The following EYA1 variants were observed in gnomAD, a reference collection of about 807,000 sequenced individuals.
EYA1 encodes the protein EYA transcriptional coactivator and phosphatase 1.
In EYA1, 16 loss-of-function variants were observed where a neutral mutation model predicts 82.0. That is an observed-to-expected ratio of 0.20 (90% CI 0.13 to 0.30). The LOEUF (loss-of-function observed/expected upper bound fraction) is 0.30, where lower values mean the gene tolerates loss of function less well. Among genes scored for constraint, EYA1 ranks in the 10% least tolerant of loss-of-function variants. The pLI is 1.00. For synonymous variants in EYA1, 261 were observed against 264.4 expected, an observed-to-expected ratio of 0.99 and a Z score of 0.12; for missense variants, 633 against 730.7, an observed-to-expected ratio of 0.87 and a Z score of 1.54.
Position 71,470,560 on chromosome 8 carries a change from G to A in EYA1, c.33+65184C>T, listed in dbSNP as rs979737221. On this transcript the variant is annotated intron_variant, in intron 2 of 18. Transcript: ENST00000643681. Reference sequence around the variant, plus strand: ...TGCTTTTGCACCAACCTAATAGAAGGTGAGGTGCTTGAAGTATCTAGTCTG... The same window carrying A: ...TGCTTTTGCACCAACCTAATAGAAGATGAGGTGCTTGAAGTATCTAGTCTG... Among the ~76,000 whole-genome samples the A allele has an allele frequency of 2.0e-5, 3 of 152,232 alleles. 1 individual carries two copies. Among genetic ancestry groups the A allele is most frequent in the Non-Finnish European group, 4.4e-5 (3 of 67,968 alleles).
intron 7 of EYA1, among the ~76,000 whole-genome samples, chr8:71,309,992 G>A (rs1020860636): frequency 2.0e-5 from 3 of 152,088 alleles, no homozygotes; most frequent in Admixed American, 2.0e-4. Context: ...GGGTTTCCAG[G>A]GCCCTCTGAG....
chr8:71,436,245 C>A (rs1319224179), intron 2 of EYA1, among the ~76,000 whole-genome samples: 1 of 152,024 alleles, frequency 6.6e-6, no homozygotes, highest in Non-Finnish European at 1.5e-5. Flanking sequence ...CCATTGACTA[C>A]ACAATGCAAG....
chr8:71,315,048 A>G (rs909136553), intron 7 of EYA1, among the ~76,000 whole-genome samples: 1 of 152,016 alleles, frequency 6.6e-6, no homozygotes, highest in Non-Finnish European at 1.5e-5. Context: ...TTCCTGCTGC[A>G]TAAGTTTTGA....
At chr8:71,212,879 C>A (rs1012068735) in intron 16 of EYA1, among the ~76,000 whole-genome samples, 28 of 152,252 alleles carry the variant, frequency 1.8e-4, no homozygotes, top group African/African-American at 6.3e-4. Context: ...GAGTCTGAGA[C>A]CAGCCTGGCT....
intron 2 of EYA1, among the ~76,000 whole-genome samples, chr8:71,367,496 AT>A (rs956286690): frequency 6.6e-6 from 1 of 151,264 alleles, no homozygotes; most frequent in African/African-American, 2.4e-5. Flanking sequence ...AACCTATAGA[AT>A]TTTTTTCTTC....
intron 9 of EYA1, among the ~76,000 whole-genome samples, chr8:71,274,907 C>G (rs80016922): frequency 0.021 from 2,305 of 110,296 alleles, 33 homozygotes; most frequent in Non-Finnish European, 0.032. Context: ...AGAGAGTGAG[C>G]GAGCGAGAGA....
At chr8:71,485,786 A>G (rs1810520512) in intron 2 of EYA1, among the ~76,000 whole-genome samples, 1 of 152,218 alleles carries the variant, frequency 6.6e-6, no homozygotes, top group South Asian at 2.1e-4. Context: ...ATGTTTCCAA[A>G]AGATTTGACA....
chr8:71,245,704 ACT>A (rs770762960), intron 11 of EYA1, among the ~76,000 whole-genome samples: 4 of 152,004 alleles, frequency 2.6e-5, no homozygotes, highest in Non-Finnish European at 5.9e-5. Context: ...AATCTAGATA[ACT>A]CTCTATCATT....
intron 2 of EYA1, among the ~76,000 whole-genome samples, chr8:71,367,698 A>G (rs1156261442): frequency 2.6e-5 from 4 of 152,222 alleles, no homozygotes; most frequent in Non-Finnish European, 5.9e-5. Flanking sequence ...AGAAGTTTTT[A>G]TTAAGCAATG....
rs531325941 is a variant in EYA1, at chr8:71,466,940, T to C, written c.33+68804A>G. On this transcript the variant is annotated intron_variant, in intron 2 of 18. Transcript: ENST00000643681. The stretch of plus-strand genomic sequence containing the variant: ...AAGTGACTTTTTGTTTAAACTTTTA[T>C]GTTTCCTCACAATGAGATTACTATA... 2.0e-5 allele frequency among the ~76,000 whole-genome samples: 3 copies of C among 152,270 alleles called. No homozygotes were observed. The South Asian group carries it at 6.2e-4, about 31-fold the overall frequency.
At chr8:71,299,951 CTAA>C (rs1563424350) in intron 7 of EYA1, among the ~76,000 whole-genome samples, 1 of 152,096 alleles carries the variant, frequency 6.6e-6, no homozygotes, top group South Asian at 2.1e-4. Flanking sequence ...CTTATATAGA[CTAA>C]TGACAAAATA....
intron 11 of EYA1, among the ~76,000 whole-genome samples, chr8:71,252,686 C>T (rs1813893573): frequency 6.6e-6 from 1 of 152,080 alleles, no homozygotes; most frequent in Non-Finnish European, 1.5e-5. Flanking sequence ...AAAAGGTGTC[C>T]TATACTCTGA....
intron 7 of EYA1, among the ~76,000 whole-genome samples, chr8:71,316,127 T>C (rs1468442331): frequency 1.3e-5 from 2 of 152,080 alleles, no homozygotes; most frequent in Admixed American, 6.5e-5. Flanking sequence ...TAAATGTGTG[T>C]AAAAACAAAA....
At chr8:71,344,017 T>A (rs1251599233) in intron 3 of EYA1, among the ~76,000 whole-genome samples, 1 of 152,146 alleles carries the variant, frequency 6.6e-6, no homozygotes, top group African/African-American at 2.4e-5. Context: ...TGTCTATCCT[T>A]CAAAAAACCA....
At chr8:71,414,358 A>C (rs1033545587) in intron 2 of EYA1, among the ~76,000 whole-genome samples, 1 of 152,168 alleles carries the variant, frequency 6.6e-6, no homozygotes, top group Non-Finnish European at 1.5e-5. Context: ...CCACTACAGG[A>C]GGTTTCTCTC....
intron 4 of EYA1, among the ~76,000 whole-genome samples, chr8:71,324,290 T>C (rs1822908369): frequency 6.6e-6 from 1 of 152,196 alleles, no homozygotes; most frequent in African/African-American, 2.4e-5. Context: ...ACAGTATGTG[T>C]GTATATACAT....
At chr8:71,391,281 C>T (rs933747861) in intron 2 of EYA1, among the ~76,000 whole-genome samples, 1 of 152,172 alleles carries the variant, frequency 6.6e-6, no homozygotes, top group Non-Finnish European at 1.5e-5. Flanking sequence ...CTGTACCCAG[C>T]CAAAAATTTT....
chr8:71,392,366 A>G (rs559128815), intron 2 of EYA1, among the ~76,000 whole-genome samples: 27 of 152,248 alleles, frequency 1.8e-4, no homozygotes, highest in Middle Eastern at 3.4e-3. Flanking sequence ...CAGCGCTGTG[A>G]CTAGAGACCA....
chr8:71,325,577 C>T (rs1312540629), intron 4 of EYA1, among the ~76,000 whole-genome samples: 1 of 152,052 alleles, frequency 6.6e-6, no homozygotes, highest in Non-Finnish European at 1.5e-5. Context: ...ACCACAATAA[C>T]GTGAAGAATG....
Sources: allele counts gnomAD v4.1 joint callset (sites outside exome capture counted in the v4.1 genomes callset), GRCh38; gene constraint gnomAD v4.1.1; transcripts MANE v1.5; gene names NCBI Gene and HGNC (gene_info 2026-07-23, HGNC 2026-07-21).